The following ROCK2 variants were observed in gnomAD, a reference collection of about 807,000 sequenced individuals.
ROCK2 encodes the protein rho-associated protein kinase 2.
A neutral mutation model predicts 195.1 loss-of-function variants in ROCK2; 61 were observed. The observed-to-expected ratio is 0.31, with a 90% CI of 0.25 to 0.39. The LOEUF is 0.39. ROCK2 is among the 10% of genes least tolerant of loss of function. The pLI, the probability that ROCK2 is intolerant of heterozygous loss-of-function variation, is 1.00. For synonymous variants in ROCK2, 504 were observed against 545.5 expected, an observed-to-expected ratio of 0.92 and a Z score of 1.06; for missense variants, 1,109 against 1,637.4, an observed-to-expected ratio of 0.68 and a Z score of 5.57.
chr2:11,265,631 CA>C (rs1158440100), intron 3 of ROCK2, among the ~76,000 whole-genome samples: 10 of 152,098 alleles, frequency 6.6e-5, no homozygotes, highest in Admixed American at 5.2e-4. Flanking sequence ...GAGAAAGAAA[CA>C]TGATAAATGG....
At position 11,224,423 on chromosome 2, in the gene ROCK2, T is replaced by C. The variant is rs1348881310; in HGVS notation, c.906A>G (p.Thr302=). The change falls in exon 7 of 33, where the codon ACA becomes ACG. Residue 302 remains threonine, a synonymous_variant. Transcript: ENST00000315872. The part of the protein sequence containing the change: ...TPFYADSLVG[T]YSKIMDHKNS... The stretch of plus-strand genomic sequence containing the variant: ...TCTTATGATCCATAATTTTGCTATA[T>C]GTTCCTACAAGTGAATCCGCATAAA... 4.3e-6 allele frequency: 7 copies of C among 1,612,816 alleles called. No individual in the cohort carries two copies. The African/African-American group carries it at 5.3e-5, about 12-fold the overall frequency.
intron 3 of ROCK2, among the ~76,000 whole-genome samples, chr2:11,279,154 C>T (rs1666921340): frequency 6.6e-6 from 1 of 151,870 alleles, no homozygotes; most frequent in Non-Finnish European, 1.5e-5. Context: ...AAGAAAACAA[C>T]AACAAATATG....
intron 4 of ROCK2, among the ~76,000 whole-genome samples, chr2:11,244,528 A>G (rs1268976280): frequency 6.6e-6 from 1 of 152,130 alleles, no homozygotes; most frequent in African/African-American, 2.4e-5. Context: ...TGCTTTGGTA[A>G]GCAGAGATAG....
chr2:11,332,713 C>G (rs1668808360), intron 1 of ROCK2, among the ~76,000 whole-genome samples: 2 of 152,160 alleles, frequency 1.3e-5, no homozygotes, highest in Non-Finnish European at 2.9e-5. Context: ...CATAAATTTA[C>G]CATATGACCC....
chr2:11,183,874 C>T (rs1203354755), intron 32 of ROCK2, among the ~76,000 whole-genome samples: 1 of 152,142 alleles, frequency 6.6e-6, no homozygotes, highest in Non-Finnish European at 1.5e-5. Flanking sequence ...AAGATAGGAC[C>T]AACTACATTG....
chr2:11,314,908 GAATT>G (rs943099896), intron 1 of ROCK2, among the ~76,000 whole-genome samples: 7 of 151,830 alleles, frequency 4.6e-5, no homozygotes, highest in Non-Finnish European at 1.0e-4. Flanking sequence ...CCAAAAAGCT[GAATT>G]ATTACTTTAT....
rs753346725 is a variant in ROCK2, at chr2:11,215,037, C to T, written c.1739G>A (p.Arg580Gln). The change falls in exon 16 of 33, where the codon CGG becomes CAG. Residue 580 changes from arginine to glutamine, a missense_variant. Coordinates refer to ENST00000315872, the MANE Select transcript of ROCK2 (RefSeq NM_004850.5). Reference sequence around the variant, plus strand: ...ACTTTCTGCCTGGGTTTTCCTTAACCGGGCTGCAGTATCAGACTCTGTTCG... The same window carrying T: ...ACTTTCTGCCTGGGTTTTCCTTAACTGGGCTGCAGTATCAGACTCTGTTCG... ...LLRTESDTAA[R>Q]LRKTQAESSK... 9 of 1,613,886 alleles carry T rather than the reference C, an allele frequency of 5.6e-6. No homozygotes were observed. Among genetic ancestry groups the T allele is most frequent in the South Asian group, 1.1e-5 (1 of 91,080 alleles).
intron 4 of ROCK2, among the ~76,000 whole-genome samples, chr2:11,242,959 C>CT (rs1665480984): frequency 1.3e-5 from 2 of 152,144 alleles, no homozygotes; most frequent in Admixed American, 6.5e-5. Flanking sequence ...TAACATCAGC[C>CT]ATGAATAAAG....
intron 5 of ROCK2, among the ~76,000 whole-genome samples, chr2:11,232,974 G>C (rs1665072420): frequency 6.6e-6 from 1 of 152,172 alleles, no homozygotes; most frequent in Non-Finnish European, 1.5e-5. Context: ...AGCATTTTAG[G>C]AGGCTGAGGC....
rs1456155299 is a variant in ROCK2 at position 11,286,609 on chromosome 2, A to T, written c.254T>A (p.Leu85Gln). ...ATCATAGTCTTCTGCCTTCATCTGT[A>T]GACCTCTGATTTTTTTCACAATTTT... ...YEKIVKKIRGLQMKAEDYDVV... is the reference protein window; with the variant it reads ...YEKIVKKIRGQQMKAEDYDVV... The change falls in exon 3 of 33, where the codon CTA becomes CAA. Residue 85 changes from leucine to glutamine, a missense_variant. By Grantham distance (113) the Leu-to-Gln change is moderately radical. Coordinates refer to ENST00000315872, the MANE Select transcript of ROCK2 (RefSeq NM_004850.5). 2 of 1,609,292 alleles carry T rather than the reference A, an allele frequency of 1.2e-6. No homozygotes were observed. The highest frequency in any genetic ancestry group is 2.2e-5 in the South Asian group (2 of 90,400).
chr2:11,329,095 AG>A (rs1295032439), intron 1 of ROCK2, among the ~76,000 whole-genome samples: 1 of 78,770 alleles, frequency 1.3e-5, no homozygotes, highest in Non-Finnish European at 3.6e-5. Context: ...TGCAAAAAAA[AG>A]AAACAAAAAA....
chr2:11,280,936 T>C (rs896952303), intron 3 of ROCK2, among the ~76,000 whole-genome samples: 2 of 152,036 alleles, frequency 1.3e-5, no homozygotes, highest in African/African-American at 4.8e-5. Context: ...ACAAAGATAT[T>C]ACAAGAAAAC....
At chr2:11,224,611 C>T (rs1308256570) in intron 6 of ROCK2, 151 bp from the exon 7 acceptor site, 1 of 659,946 alleles carries the variant, frequency 1.5e-6, no homozygotes, top group African/African-American at 1.8e-5. Context: ...AAACAACAGA[C>T]ATATTGTTAT....
chr2:11,205,114 C>T (rs1266860542), intron 20 of ROCK2, among the ~76,000 whole-genome samples: 1 of 152,070 alleles, frequency 6.6e-6, no homozygotes, highest in Non-Finnish European at 1.5e-5. Flanking sequence ...GGCTTTTCAC[C>T]CCATATTAGC....
intron 4 of ROCK2, among the ~76,000 whole-genome samples, chr2:11,242,034 C>T (rs1272604357): frequency 6.6e-6 from 1 of 152,070 alleles, no homozygotes; most frequent in Non-Finnish European, 1.5e-5. Context: ...GACAAGGTGC[C>T]ATATATAACA....
intron 3 of ROCK2, 67 bp from the exon 4 acceptor site, chr2:11,249,865 C>T: frequency 8.2e-7 from 1 of 1,226,704 alleles, no homozygotes; most frequent in Non-Finnish European, 1.1e-6. Flanking sequence ...ATAGATGATA[C>T]TATAATGCTA....
At chr2:11,344,936 C>G (rs1246792973), upstream of ROCK2, among the ~76,000 whole-genome samples, 3 of 120,536 alleles carry the variant, frequency 2.5e-5, no homozygotes, top group Non-Finnish European at 6.1e-5. This position sits in a 1 kb window ranked among gnomAD's most constrained non-coding sequence, Gnocchi z 5.4. Context: ...CCCCCTGCCC[C>G]TCCCGCCGGA....
At chr2:11,253,301 C>G (rs965253203) in intron 3 of ROCK2, among the ~76,000 whole-genome samples, 3 of 152,188 alleles carry the variant, frequency 2.0e-5, no homozygotes, top group Admixed American at 6.5e-5. Context: ...ACACACTTAT[C>G]TTCTCTCAGT....
At chr2:11,343,919 G>T (rs1278949775) in intron 1 of ROCK2, 77 bp downstream of exon 1, 13 of 1,481,708 alleles carry the variant, frequency 8.8e-6, no homozygotes, top group South Asian at 2.7e-5. Flanking sequence ...ACGGGCGGAC[G>T]GGCACGGAGG....
Sources: allele counts gnomAD v4.1 joint callset (sites outside exome capture counted in the v4.1 genomes callset), GRCh38; gene constraint gnomAD v4.1.1; non-coding constraint Gnocchi (gnomAD v3.1); transcripts MANE v1.5; gene names NCBI Gene and HGNC (gene_info 2026-07-23, HGNC 2026-07-21).